The following SOBP variants were observed in gnomAD, a reference collection of about 807,000 sequenced individuals.
SOBP encodes sine oculis-binding protein homolog.
In SOBP, 4 loss-of-function variants were observed where a neutral mutation model predicts 53.6. The ratio of observed to expected loss-of-function variants is 0.07; its 90% CI spans 0.04 to 0.17. The LOEUF is 0.17. Among genes scored for constraint, SOBP ranks in the 10% least tolerant of loss-of-function variants. The pLI, the probability that SOBP is intolerant of heterozygous loss-of-function variation, is 1.00. For missense variants in SOBP, 1,088 were observed against 1,204.7 expected, an observed-to-expected ratio of 0.90 and a Z score of 1.43; for synonymous variants, 584 against 522.6, an observed-to-expected ratio of 1.12 and a Z score of -1.60.
chr6:107,581,499 G>T (rs1319609595), intron 4 of SOBP, among the ~76,000 whole-genome samples: 1 of 152,202 alleles, frequency 6.6e-6, no homozygotes, highest in African/African-American at 2.4e-5. Context: ...AGAGGCAGGA[G>T]TGGCTGAACA....
intron 1 of SOBP, among the ~76,000 whole-genome samples, chr6:107,491,050 C>T (rs1347387228): frequency 2.0e-5 from 3 of 152,090 alleles, no homozygotes; most frequent in Non-Finnish European, 4.4e-5. Flanking sequence ...GCAGTTTCTC[C>T]CCCCTTTTTG....
intron 3 of SOBP, among the ~76,000 whole-genome samples, chr6:107,507,066 C>CA (rs781118503): frequency 1.2e-3 from 148 of 121,592 alleles, no homozygotes; most frequent in Middle Eastern, 8.9e-3. Flanking sequence ...AACTCCGTCT[C>CA]AAAAAAAAAA....
At chr6:107,612,945 T>C (rs1216413875) in intron 5 of SOBP, among the ~76,000 whole-genome samples, 1 of 152,264 alleles carries the variant, frequency 6.6e-6, no homozygotes, top group East Asian at 1.9e-4. Context: ...GGCTGAATAA[T>C]ATTCCATTGT....
chr6:107,505,430 C>G (rs1782957991), intron 2 of SOBP, among the ~76,000 whole-genome samples: 1 of 151,728 alleles, frequency 6.6e-6, no homozygotes, highest in Admixed American at 6.6e-5. Flanking sequence ...TCAAGCGATT[C>G]TCGTGCCTCA....
chr6:107,570,992 G>A (rs1339402159), intron 4 of SOBP, among the ~76,000 whole-genome samples: 4 of 152,192 alleles, frequency 2.6e-5, no homozygotes, highest in Non-Finnish European at 5.9e-5. Context: ...CTAGAACAAC[G>A]CAAGACTCTG....
intron 3 of SOBP, among the ~76,000 whole-genome samples, chr6:107,522,894 G>GGAGGTGA (rs1287641794): frequency 1.3e-5 from 2 of 152,060 alleles, no homozygotes; most frequent in Non-Finnish European, 2.9e-5. Flanking sequence ...GTGGGAGGTG[G>GGAGGTGA]GAGGTGAGAG....
intron 3 of SOBP, among the ~76,000 whole-genome samples, chr6:107,524,748 A>AT (rs1261729344): frequency 6.6e-6 from 1 of 152,200 alleles, no homozygotes; most frequent in Non-Finnish European, 1.5e-5. Flanking sequence ...TGAGGATATA[A>AT]TTGTGGGCAA....
intron 6 of SOBP, among the ~76,000 whole-genome samples, chr6:107,644,628 T>A (rs1380749063): frequency 1.3e-5 from 2 of 152,202 alleles, no homozygotes; most frequent in African/African-American, 4.8e-5. Context: ...CTTTTATGGC[T>A]GGCAAAATAC....
At chr6:107,576,012 A>G (rs890908762) in intron 4 of SOBP, among the ~76,000 whole-genome samples, 2 of 152,174 alleles carry the variant, frequency 1.3e-5, no homozygotes, top group South Asian at 2.1e-4. Flanking sequence ...CTTCACCTCC[A>G]TCTTCGCATT....
intron 4 of SOBP, among the ~76,000 whole-genome samples, chr6:107,571,993 AC>A (rs1785086347): frequency 6.6e-6 from 1 of 152,242 alleles, no homozygotes; most frequent in African/African-American, 2.4e-5. Context: ...AGAACATTTT[AC>A]TGTAAGATGA....
intron 5 of SOBP, among the ~76,000 whole-genome samples, chr6:107,632,420 C>T (rs905652000): frequency 6.6e-6 from 1 of 151,862 alleles, no homozygotes; most frequent in Non-Finnish European, 1.5e-5. Flanking sequence ...AAAATTTTGA[C>T]ATCTGTTTAT....
At chr6:107,624,433 C>T (rs1583284436) in intron 5 of SOBP, among the ~76,000 whole-genome samples, 1 of 152,314 alleles carries the variant, frequency 6.6e-6, no homozygotes, top group South Asian at 2.1e-4. Context: ...TTAAAAATAA[C>T]AATCTGGAGC....
At chr6:107,535,631 GTGTGTGT>G (rs923377985) in intron 4 of SOBP, among the ~76,000 whole-genome samples, 21 of 145,680 alleles carry the variant, frequency 1.4e-4, no homozygotes, top group African/African-American at 5.0e-4. Flanking sequence ...GTGTGTGTGT[GTGTGTGT>G]TTTTTTTTTT....
chr6:107,496,752 C>T, intron 1 of SOBP, among the ~76,000 whole-genome samples: 1 of 152,182 alleles, frequency 6.6e-6, no homozygotes, highest in South Asian at 2.1e-4. Context: ...ATTGATGACC[C>T]TCCAGTGGGT....
At chr6:107,526,630 C>G (rs1255978838) in intron 3 of SOBP, among the ~76,000 whole-genome samples, 1 of 152,192 alleles carries the variant, frequency 6.6e-6, no homozygotes, top group Non-Finnish European at 1.5e-5. Flanking sequence ...CACCTCAGGT[C>G]CTATCCAGCT....
chr6:107,562,622 CA>C (rs970131857), intron 4 of SOBP, among the ~76,000 whole-genome samples: 1 of 152,256 alleles, frequency 6.6e-6, no homozygotes, highest in African/African-American at 2.4e-5. Context: ...TGTTCTGGGG[CA>C]AACAGTTATT....
intron 5 of SOBP, among the ~76,000 whole-genome samples, chr6:107,628,833 C>T (rs995501965): frequency 3.3e-5 from 5 of 152,204 alleles, no homozygotes; most frequent in South Asian, 4.1e-4. Context: ...ACTGGGACCA[C>T]GGCATTCCAG....
At chr6:107,650,805 T>G (rs1771771945) in intron 6 of SOBP, among the ~76,000 whole-genome samples, 1 of 152,162 alleles carries the variant, frequency 6.6e-6, no homozygotes, top group South Asian at 2.1e-4. Context: ...CTCTAAATGT[T>G]TAAGTGAAAG....
At chr6:107,563,933 G>A (rs899333337) in intron 4 of SOBP, among the ~76,000 whole-genome samples, 1 of 152,124 alleles carries the variant, frequency 6.6e-6, no homozygotes, top group Non-Finnish European at 1.5e-5. Flanking sequence ...GTAGGGTTGC[G>A]GAGCCTCTCT....
Sources: allele counts gnomAD v4.1 joint callset (sites outside exome capture counted in the v4.1 genomes callset), GRCh38; gene constraint gnomAD v4.1.1; transcripts MANE v1.5; gene names NCBI Gene and HGNC (gene_info 2026-07-23, HGNC 2026-07-21).